PCLO: variants seen among roughly 807,000 people sequenced by gnomAD.
PCLO encodes protein piccolo.
Under a neutral mutation model 427.5 loss-of-function variants are expected in PCLO, and 82 were observed. The observed-to-expected ratio is 0.19, with a 90% CI of 0.16 to 0.23. The LOEUF (loss-of-function observed/expected upper bound fraction) is 0.23, where lower values mean the gene tolerates loss of function less well. PCLO is among the 10% of genes least tolerant of loss of function. PCLO has a pLI of 1.00. For missense variants in PCLO, 6,239 were observed against 6,115.9 expected (o/e 1.02, Z -0.67); for synonymous variants, 2,357 against 2,155.4 (o/e 1.09, Z -2.59).
Position 82,915,132 on chromosome 7 carries a change from C to G in PCLO, c.12854G>C (p.Ser4285Thr). The G allele has an allele frequency of 6.3e-7, 1 of 1,590,574 alleles. No individual in the cohort carries two copies. Among genetic ancestry groups the G allele is most frequent in the Non-Finnish European group, 8.6e-7 (1 of 1,167,510 alleles). The change falls in exon 7 of 25, where the codon AGT becomes ACT. Residue 4285 changes from serine to threonine, a missense_variant. Ser to Thr is a moderately conservative substitution (Grantham distance 58). Transcript: ENST00000333891. ...LQDEADKPYS[S>T]GSRSRPSSRP... is the part of the protein sequence containing the mutation. Reference sequence around the variant, plus strand: ...GGAGGAAGGTCTGGACCTGCTGCCACTACTGTATGGCTTATCCGCTTCATC... The same window carrying G: ...GGAGGAAGGTCTGGACCTGCTGCCAGTACTGTATGGCTTATCCGCTTCATC...
At chr7:83,031,244 A>ACAT (rs1269355788) in intron 3 of PCLO, among the ~76,000 whole-genome samples, 3 of 152,234 alleles carry the variant, frequency 2.0e-5, no homozygotes, top group Admixed American at 1.3e-4. Context: ...AAACTCAGAG[A>ACAT]CATCATATGC....
At chr7:83,095,864 C>T (rs1790522165) in intron 3 of PCLO, among the ~76,000 whole-genome samples, 1 of 151,948 alleles carries the variant, frequency 6.6e-6, no homozygotes, top group African/African-American at 2.4e-5. Context: ...TCTTAGAATA[C>T]ATTCCCTTGC....
intron 20 of PCLO, among the ~76,000 whole-genome samples, chr7:82,806,249 T>C (rs531532767): frequency 1.3e-5 from 2 of 152,118 alleles, no homozygotes; most frequent in Admixed American, 6.5e-5. Context: ...AAATTGCTTA[T>C]TTTTTTCCTA....
At chr7:82,855,357 A>AC (rs1792775615) in intron 10 of PCLO, among the ~76,000 whole-genome samples, 2 of 152,080 alleles carry the variant, frequency 1.3e-5, no homozygotes, top group South Asian at 4.1e-4. Flanking sequence ...AGAAATATGA[A>AC]CCCCAACCAT....
At chr7:82,874,490 T>G (rs1380336202) in intron 10 of PCLO, among the ~76,000 whole-genome samples, 2 of 152,170 alleles carry the variant, frequency 1.3e-5, no homozygotes, top group South Asian at 4.1e-4. Context: ...AATTGTATTA[T>G]GAATTTCCCA....
chr7:82,956,241 C>G lies in PCLO; in HGVS notation c.4712G>C (p.Gly1571Ala). The change falls in exon 5 of 25, where the codon GGT (glycine) becomes GCT (alanine). Residue 1571 changes from glycine (G) to alanine (A), a missense_variant. Gly to Ala is a moderately conservative substitution (Grantham distance 60). Transcript: ENST00000333891. ...IEMSADEDAS[G>A]SEDDEFIRNQ... ...TCTGATGAACTCATCATCTTCAGAACCTGAAGCATCTTCATCAGCACTCAT... is the reference window on the plus strand; with the variant it reads ...TCTGATGAACTCATCATCTTCAGAAGCTGAAGCATCTTCATCAGCACTCAT... The G allele has an allele frequency of 6.2e-7, 1 of 1,611,404 alleles. No individual in the cohort carries two copies. The highest frequency in any genetic ancestry group is 8.5e-7 in the Non-Finnish European group (1 of 1,179,712).
chr7:83,109,298 T>C (rs973030232), intron 3 of PCLO, among the ~76,000 whole-genome samples: 14 of 152,178 alleles, frequency 9.2e-5, no homozygotes, highest in African/African-American at 3.4e-4. Context: ...TGATTGCTTT[T>C]CTCTAATTAT....
intron 3 of PCLO, among the ~76,000 whole-genome samples, chr7:83,078,896 C>T (rs1298701404): frequency 1.3e-5 from 2 of 151,994 alleles, no homozygotes; most frequent in East Asian, 3.9e-4. Flanking sequence ...TAAAATAATA[C>T]CAGCAAATCA....
chr7:82,954,434 A>G lies in PCLO; in HGVS notation c.6519T>C (p.Ala2173=). ...ILTYSEPSES[A]TSVPPSDTPS... is the part of the protein sequence containing the mutation. ...GTGTGTCAGAGGGTGGGACAGATGT[A>G]GCACTTTCTGAAGGCTCCGAGTAGG... The change falls in exon 5 of 25, where the codon GCT becomes GCC. Residue 2173 remains alanine, a synonymous_variant. Transcript: ENST00000333891. 5.6e-6 allele frequency: 9 copies of G among 1,613,918 alleles called. No homozygotes were observed. Among genetic ancestry groups the G allele is most frequent in the Non-Finnish European group, 7.6e-6 (9 of 1,179,796 alleles).
chr7:83,093,238 A>G (rs539835182), intron 3 of PCLO, among the ~76,000 whole-genome samples: 162 of 151,650 alleles, frequency 1.1e-3, no homozygotes, highest in Non-Finnish European at 2.1e-3. Context: ...TTCAAAATCA[A>G]TAAATGTTGT....
chr7:82,841,758 G>A (rs528064146), intron 13 of PCLO, among the ~76,000 whole-genome samples: 20 of 152,164 alleles, frequency 1.3e-4, no homozygotes, highest in Non-Finnish European at 2.1e-4. Flanking sequence ...TATACCAGCA[G>A]TATTTTCAAT....
chr7:82,953,444 A>C lies in PCLO; in HGVS notation c.7509T>G (p.Pro2503=), dbSNP rs1795414048. 6.2e-7 allele frequency: 1 copy of C among 1,613,498 alleles called. No individual in the cohort carries two copies. The highest frequency in any genetic ancestry group is 1.3e-5 in the African/African-American group (1 of 74,814). Residue 2503 remains proline (P), a synonymous_variant, in exon 5 of 25, where the codon CCT becomes CCG. Transcript: ENST00000333891. ...IPSGLVFTHR[P]EPSKPPIAPK... ...GGGCGATTGGAGGTTTGCTTGGCTC[A>C]GGCCTGTGGGTAAATACAAGTCCAG...
intron 22 of PCLO, among the ~76,000 whole-genome samples, chr7:82,777,304 A>G (rs1790774930): frequency 6.6e-6 from 1 of 152,210 alleles, no homozygotes; most frequent in African/African-American, 2.4e-5. Context: ...GGGAGAATCA[A>G]TATCAAGAAA....
At chr7:82,875,486 G>C (rs1793347398) in intron 10 of PCLO, among the ~76,000 whole-genome samples, 2 of 151,870 alleles carry the variant, frequency 1.3e-5, no homozygotes, top group African/African-American at 4.8e-5. Flanking sequence ...AATAACCAGA[G>C]CAGTCACTCA....
At chr7:82,928,086 G>A (rs1794755657) in intron 6 of PCLO, among the ~76,000 whole-genome samples, 1 of 152,164 alleles carries the variant, frequency 6.6e-6, no homozygotes, top group Admixed American at 6.5e-5. Flanking sequence ...TGGGTGAGTA[G>A]AGAAAAGCCA....
At chr7:82,958,740 A>G (rs974950838) in intron 4 of PCLO, among the ~76,000 whole-genome samples, 1 of 152,118 alleles carries the variant, frequency 6.6e-6, no homozygotes, top group Non-Finnish European at 1.5e-5. Context: ...TGAGCACTTC[A>G]CTCATTTCAG....
chr7:83,094,424 G>T (rs1372193253), intron 3 of PCLO, among the ~76,000 whole-genome samples: 4 of 151,942 alleles, frequency 2.6e-5, no homozygotes, highest in African/African-American at 7.3e-5. Context: ...GGCCAGGATG[G>T]TCTCGATCTC....
chr7:82,820,493 A>T (rs1791765567), intron 20 of PCLO: 3 of 1,206,176 alleles, frequency 2.5e-6, no homozygotes, highest in Middle Eastern at 3.3e-4. Flanking sequence ...AATGAAATAA[A>T]GATACTTTAT....
chr7:82,758,747 A>G (rs1365886326), intron 24 of PCLO, 32 bp from the exon 25 acceptor site: 2 of 1,340,292 alleles, frequency 1.5e-6, no homozygotes, highest in Non-Finnish European at 2.1e-6. Context: ...AAACATATTT[A>G]ATTTATACAC....
Sources: allele counts gnomAD v4.1 joint callset (sites outside exome capture counted in the v4.1 genomes callset), GRCh38; gene constraint gnomAD v4.1.1; transcripts MANE v1.5; gene names NCBI Gene and HGNC (gene_info 2026-07-23, HGNC 2026-07-21).